The following IGSF10 variants were observed in gnomAD, a reference collection of about 807,000 sequenced individuals.
The protein encoded by IGSF10 is calvaria mechanical force protein 608.
IGSF10 carries 126 observed loss-of-function variants against 128.2 expected under a neutral mutation model. The ratio of observed to expected loss-of-function variants is 0.98; its 90% CI spans 0.85 to 1.14. IGSF10 has a LOEUF of 1.14. Among genes scored for constraint, IGSF10 ranks in the 50% most tolerant of loss-of-function variants. The pLI is 0.00. For synonymous variants in IGSF10, 1,185 were observed against 1,146.2 expected, an observed-to-expected ratio of 1.03 and a Z score of -0.68; for missense variants, 3,295 against 3,149.8, an observed-to-expected ratio of 1.05 and a Z score of -1.10.
chr3:151,537,157 G>A, the IGSF10 span, among the ~76,000 whole-genome samples: 1 of 152,208 alleles, frequency 6.6e-6, no homozygotes, highest in South Asian at 2.1e-4. Context: ...CCCTAAAGTT[G>A]GGCACATTAG....
chr3:151,612,376 A>G, the IGSF10 span, among the ~76,000 whole-genome samples: 4 of 152,344 alleles, frequency 2.6e-5, no homozygotes, highest in Non-Finnish European at 5.9e-5. Flanking sequence ...ATTGTGTGAC[A>G]CACACATACC....
At chr3:151,444,712 G>C (rs138341756) in intron 6 of IGSF10, among the ~76,000 whole-genome samples, 1 of 152,062 alleles carries the variant, frequency 6.6e-6, no homozygotes, top group Admixed American at 6.6e-5. Flanking sequence ...CAGCTTTTGA[G>C]GCATTCCAAA....
At chr3:151,553,283 T>G in the IGSF10 span, among the ~76,000 whole-genome samples, 1 of 152,134 alleles carries the variant, frequency 6.6e-6, no homozygotes, top group African/African-American at 2.4e-5. Context: ...AAATCACATA[T>G]CATTGTTGTA....
chr3:151,606,407 T>G, the IGSF10 span, among the ~76,000 whole-genome samples: 1 of 152,138 alleles, frequency 6.6e-6, no homozygotes, highest in Admixed American at 6.5e-5. Context: ...GTAAGATCAT[T>G]GTTTAGGATT....
the IGSF10 span, among the ~76,000 whole-genome samples, chr3:151,536,268 T>TGG: frequency 6.6e-6 from 1 of 152,270 alleles, no homozygotes; most frequent in African/African-American, 2.4e-5. Context: ...TTGGGCTGCG[T>TGG]GGATGTGAAG....
At position 151,449,130 on chromosome 3, in the gene IGSF10, A is replaced by G. The variant is rs1721385443; in HGVS notation, c.851T>C (p.Ile284Thr). 3.1e-6 allele frequency: 5 copies of G among 1,614,078 alleles called. No individual in the cohort carries two copies. The highest frequency in any genetic ancestry group is 2.2e-5 in the South Asian group (2 of 91,094). ...GCTCTTTGATTTCAGGGATGAGTCA[A>G]TGGTTGGCTTGGCACACTGGAAAGC... is the stretch of plus-strand genomic sequence containing the variant. ...AAAFQCAKPT[I>T]DSSLKSKSLT... The change falls in exon 6 of 8, where the codon ATT becomes ACT. Residue 284 changes from isoleucine (I) to threonine (T), a missense_variant. Physicochemically the swap from Ile to Thr is moderately conservative, Grantham distance 89 (BLOSUM62 -1). Transcript: ENST00000282466.
At chr3:151,488,832 A>T in the IGSF10 span, among the ~76,000 whole-genome samples, 1 of 152,260 alleles carries the variant, frequency 6.6e-6, no homozygotes, top group Non-Finnish European at 1.5e-5. Flanking sequence ...CTCAAGATGT[A>T]TTAAAGACTT....
chr3:151,516,386 CAAT>C, the IGSF10 span, among the ~76,000 whole-genome samples: 26 of 152,090 alleles, frequency 1.7e-4, no homozygotes, highest in Admixed American at 7.9e-4. Context: ...CCTCTATGAA[CAAT>C]AGAGGTGAAA....
At chr3:151,581,286 C>T in the IGSF10 span, among the ~76,000 whole-genome samples, 3 of 152,200 alleles carry the variant, frequency 2.0e-5, no homozygotes, top group African/African-American at 7.2e-5. Flanking sequence ...TAACAGAAAT[C>T]AGCAGTTCTC....
chr3:151,504,646 T>C, the IGSF10 span, among the ~76,000 whole-genome samples: 4 of 152,304 alleles, frequency 2.6e-5, no homozygotes, highest in Admixed American at 2.6e-4. Context: ...AAGGTTAGCC[T>C]AAAGCTAGCT....
chr3:151,441,101 T>G (rs1052251165), intron 7 of IGSF10, among the ~76,000 whole-genome samples: 9 of 152,108 alleles, frequency 5.9e-5, no homozygotes, highest in Non-Finnish European at 1.2e-4. Flanking sequence ...TTCAACAAAT[T>G]CCCAGACAAT....
At chr3:151,532,236 G>A in the IGSF10 span, among the ~76,000 whole-genome samples, 1 of 134,982 alleles carries the variant, frequency 7.4e-6, no homozygotes, top group African/African-American at 2.6e-5. Context: ...ATTCACAGCC[G>A]AATTCTACCA....
the IGSF10 span, among the ~76,000 whole-genome samples, chr3:151,468,917 A>G: frequency 1.3e-5 from 2 of 152,100 alleles, no homozygotes; most frequent in African/African-American, 4.8e-5. Context: ...GCCCCAGTGT[A>G]TGTTGTTCCC....
the IGSF10 span, among the ~76,000 whole-genome samples, chr3:151,594,624 T>C: frequency 3.0e-3 from 415 of 136,838 alleles, 1 homozygote; most frequent in African/African-American, 0.011. Flanking sequence ...GCCCGGCCCT[T>C]TTTTTTTTTT....
the IGSF10 span, among the ~76,000 whole-genome samples, chr3:151,499,204 A>C: frequency 5.9e-5 from 9 of 152,224 alleles, no homozygotes; most frequent in South Asian, 1.7e-3. Context: ...AAAGCATTAT[A>C]CCCTGAACAA....
the IGSF10 span, among the ~76,000 whole-genome samples, chr3:151,486,496 A>G: frequency 5.3e-5 from 8 of 152,224 alleles, no homozygotes; most frequent in Non-Finnish European, 1.2e-4. Context: ...TCTCCACCCC[A>G]AATGAACAGA....
the IGSF10 span, among the ~76,000 whole-genome samples, chr3:151,509,539 C>T: frequency 1.8e-4 from 27 of 152,204 alleles, no homozygotes; most frequent in African/African-American, 6.5e-4. Context: ...GTCTACAGCT[C>T]CCAGCATGAG....
At chr3:151,582,964 T>C in the IGSF10 span, among the ~76,000 whole-genome samples, 1 of 152,202 alleles carries the variant, frequency 6.6e-6, no homozygotes, top group Non-Finnish European at 1.5e-5. Context: ...AAATATCTTT[T>C]ATTCCTAGCT....
the IGSF10 span, among the ~76,000 whole-genome samples, chr3:151,592,472 T>C: frequency 1.3e-5 from 2 of 152,188 alleles, no homozygotes; most frequent in African/African-American, 2.4e-5. Flanking sequence ...CTCCAAGTTC[T>C]AGGGGGATGA....
Sources: allele counts gnomAD v4.1 joint callset (sites outside exome capture counted in the v4.1 genomes callset), GRCh38; gene constraint gnomAD v4.1.1; transcripts MANE v1.5; gene names NCBI Gene and HGNC (gene_info 2026-07-23, HGNC 2026-07-21).